The following HAUS6 variants were observed in gnomAD, a reference collection of about 807,000 sequenced individuals.
The protein encoded by HAUS6 is HAUS augmin like complex subunit 6.
Under a neutral mutation model 106.8 loss-of-function variants are expected in HAUS6, and 80 were observed. That is an observed-to-expected ratio of 0.75 (90% CI 0.63 to 0.90). The LOEUF (loss-of-function observed/expected upper bound fraction) is 0.90. Ranked by LOEUF, HAUS6 falls within the 40% of genes least tolerant of loss-of-function variation. The pLI is 0.00. For missense variants in HAUS6, 1,155 were observed against 1,118.1 expected (o/e 1.03, Z -0.47); for synonymous variants, 356 against 379.1 (o/e 0.94, Z 0.71).
rs71508773 is a variant in HAUS6, at chr9:19,080,601, G to C, written c.942C>G (p.Val314=). 15,730 of 1,596,504 alleles carry C rather than the reference G, an allele frequency of 9.9e-3. 105 individuals are homozygous for C. Among genetic ancestry groups the C allele is most frequent in the Admixed American group, 0.013 (797 of 59,946 alleles). Residue 314 remains valine (V), a synonymous_variant, in exon 9 of 17, where the codon GTC becomes GTG. Transcript: ENST00000380502. ...AACGTTCATATTTCATCACCTTCAA[G>C]ACTTCATTTAATAACTGAATAACTG... ...LLTVIQLLNE[V]LKVMKYERCQ...
intron 4 of HAUS6, among the ~76,000 whole-genome samples, chr9:19,092,937 A>AAAAAAAAAAAAAAAAAAAT (rs1817785879): frequency 6.6e-6 from 1 of 151,258 alleles, no homozygotes; most frequent in African/African-American, 2.4e-5. Context: ...AAAAAAAGAA[A>AAAAAAAAAAAAAAAAAAAT]TGTTTCCCAA....
At chr9:19,067,586 T>C (rs1272866222) in intron 12 of HAUS6, among the ~76,000 whole-genome samples, 1 of 152,218 alleles carries the variant, frequency 6.6e-6, no homozygotes, top group African/African-American at 2.4e-5. Context: ...AGACCTTCTT[T>C]TTCCTATATT....
chr9:19,100,021 G>A (rs1010017523), intron 1 of HAUS6, among the ~76,000 whole-genome samples: 5 of 152,086 alleles, frequency 3.3e-5, no homozygotes, highest in African/African-American at 4.8e-5. Flanking sequence ...GGAGAAACCC[G>A]GTCTCTACTA....
rs1371205559 is a variant in HAUS6, at chr9:19,054,357, C to T, written c.*1986G>A. The T allele has an allele frequency of 6.6e-6, 1 of 152,112 alleles. No individual in the cohort carries two copies. Among genetic ancestry groups the T allele is most frequent in the East Asian group, 1.9e-4 (1 of 5,200 alleles). 9.4% of individuals were successfully genotyped at this position (152,112 alleles called of 1,614,324 possible). On this transcript the variant is annotated 3_prime_UTR_variant, in exon 17 of 17. Transcript: ENST00000380502. Reference sequence around the variant, plus strand: ...GGAAGTGACCCAATCAAAACAGTTCCTTAAGATCAAAAGGTAACTATGTAG... The same window carrying T: ...GGAAGTGACCCAATCAAAACAGTTCTTTAAGATCAAAAGGTAACTATGTAG...
intron 14 of HAUS6, among the ~76,000 whole-genome samples, chr9:19,061,095 C>T (rs1417805088): frequency 6.6e-6 from 1 of 152,172 alleles, no homozygotes; most frequent in Non-Finnish European, 1.5e-5. Context: ...ACCCGGGAGG[C>T]GGAGGCTGCG....
At chr9:19,100,597 G>T (rs1564024063) in intron 1 of HAUS6, among the ~76,000 whole-genome samples, 1 of 152,150 alleles carries the variant, frequency 6.6e-6, no homozygotes, top group African/African-American at 2.4e-5. Context: ...CAAAAGGAAG[G>T]AGATCAGTAT....
Position 19,058,720 on chromosome 9 carries a change from G to T in HAUS6, c.2047C>A (p.Gln683Lys). The T allele has an allele frequency of 6.2e-7, 1 of 1,614,016 alleles. No individual in the cohort carries two copies. Among genetic ancestry groups the T allele is most frequent in the South Asian group, 1.1e-5 (1 of 91,058 alleles). Residue 683 changes from glutamine (Q) to lysine (K), a missense_variant, in exon 16 of 17, where the codon CAG (glutamine) becomes AAG (lysine). Gln to Lys is a moderately conservative substitution (Grantham distance 53, BLOSUM62 1). Transcript: ENST00000380502. ...SHIDEPPTQNQSDLLNKKVIC... is the reference protein window; with the variant it reads ...SHIDEPPTQNKSDLLNKKVIC... ...ACTTTCTTATTTAACAAATCTGACT[G>T]ATTTTGTGTTGGTGGTTCATCTATG... is the stretch of plus-strand genomic sequence containing the variant.
intron 11 of HAUS6, chr9:19,074,095 A>G (rs1309348207): frequency 2.0e-5 from 3 of 152,164 alleles, no homozygotes; most frequent in Admixed American, 2.0e-4. Flanking sequence ...AAAATATAAA[A>G]AATTAGCCAG....
intron 1 of HAUS6, among the ~76,000 whole-genome samples, chr9:19,098,885 G>A (rs2131159372): frequency 6.6e-6 from 1 of 152,048 alleles, no homozygotes; most frequent in Admixed American, 6.6e-5. Flanking sequence ...AGCAGGGCAT[G>A]GTGGCGCATG....
rs1564006859 is a variant in HAUS6, at chr9:19,060,191, C to G, written c.1662G>C (p.Gln554His). 5 of 1,580,006 alleles carry G rather than the reference C, an allele frequency of 3.2e-6. No individual in the cohort carries two copies. Among genetic ancestry groups the G allele is most frequent in the Non-Finnish European group, 4.3e-6 (5 of 1,165,370 alleles). ...ATTTTATTTCTTTTCCTTCAGAGAG[C>G]TGTGGTGAATCAGATAAAACTGCTC... ...VARAVLSDSP[Q>H]LSEGKEIKLE... The change falls in exon 15 of 17, where the codon CAG becomes CAC. Residue 554 changes from glutamine (Q) to histidine (H), a missense_variant. Gln to His is a conservative substitution (Grantham distance 24). Transcript: ENST00000380502.
At chr9:19,081,663 AC>A (rs920286532) in intron 8 of HAUS6, among the ~76,000 whole-genome samples, 1 of 151,954 alleles carries the variant, frequency 6.6e-6, no homozygotes, top group African/African-American at 2.4e-5. Context: ...TGGTCTCAAT[AC>A]CTGACCGCAA....
chr9:19,075,784 T>C (rs1044855259), intron 11 of HAUS6, among the ~76,000 whole-genome samples: 43 of 151,216 alleles, frequency 2.8e-4, no homozygotes, highest in African/African-American at 9.2e-4. Context: ...TGAAACTCCG[T>C]CTCTACTAAA....
intron 11 of HAUS6, among the ~76,000 whole-genome samples, chr9:19,074,791 T>C (rs1251139104): frequency 6.6e-6 from 1 of 152,180 alleles, no homozygotes; most frequent in Non-Finnish European, 1.5e-5. Context: ...GGCTATAAAA[T>C]TTGTTTTTTA....
intron 8 of HAUS6, among the ~76,000 whole-genome samples, chr9:19,082,011 G>A (rs1287196414): frequency 1.3e-5 from 2 of 152,174 alleles, no homozygotes; most frequent in African/African-American, 2.4e-5. Flanking sequence ...AAAAAAGTAA[G>A]CTATCCAGAT....
chr9:19,074,837 C>A (rs538797919), intron 11 of HAUS6, among the ~76,000 whole-genome samples: 1 of 152,056 alleles, frequency 6.6e-6, no homozygotes, highest in African/African-American at 2.4e-5. Flanking sequence ...ATTTACAGAA[C>A]CTAATTGTCT....
At chr9:19,081,000 A>C (rs1837133798) in intron 8 of HAUS6, among the ~76,000 whole-genome samples, 1 of 152,084 alleles carries the variant, frequency 6.6e-6, no homozygotes. Flanking sequence ...TGAACCCAAG[A>C]GGCAGAGGTT....
intron 12 of HAUS6, among the ~76,000 whole-genome samples, chr9:19,068,529 A>C (rs143133892): frequency 1.3e-5 from 2 of 152,336 alleles, no homozygotes; most frequent in African/African-American, 4.8e-5. Flanking sequence ...CAATTTTACA[A>C]AAAAAGTTTT....
chr9:19,065,909 T>C (rs1836751755), intron 12 of HAUS6, among the ~76,000 whole-genome samples: 1 of 152,006 alleles, frequency 6.6e-6, no homozygotes, highest in African/African-American at 2.4e-5. Flanking sequence ...ATTTAGATTG[T>C]ATCCATCCTT....
intron 7 of HAUS6, among the ~76,000 whole-genome samples, chr9:19,083,934 T>A (rs1422525645): frequency 1.3e-5 from 2 of 151,504 alleles, no homozygotes; most frequent in African/African-American, 4.9e-5. Context: ...CATATACTAA[T>A]CTATATTCAT....
Sources: gnomAD v4.1 joint callset for allele counts (sites outside exome capture counted in the v4.1 genomes callset) on GRCh38, gnomAD v4.1.1 for gene constraint, MANE v1.5 for transcripts, NCBI Gene and HGNC (gene_info 2026-07-23, HGNC 2026-07-21) for gene names.